The following NDOR1 variants were observed in gnomAD, a reference collection of about 807,000 sequenced individuals.
NDOR1 encodes NADPH-dependent diflavin oxidoreductase 1.
Under a neutral mutation model 67.2 loss-of-function variants are expected in NDOR1, and 61 were observed. That is an observed-to-expected ratio of 0.91 (90% confidence interval 0.74 to 1.12). The LOEUF is 1.12. Among genes scored for constraint, NDOR1 ranks in the 50% most tolerant of loss-of-function variants. The pLI is 0.00. For missense variants in NDOR1, 878 were observed against 802.8 expected (o/e 1.09, Z -1.13); for synonymous variants, 378 against 343.7 (o/e 1.10, Z -1.10).
chr9:137,215,293 C>T, intron 9 of NDOR1, 91 bp downstream of exon 9: 7 of 1,535,550 alleles, frequency 4.6e-6, no homozygotes, highest in Non-Finnish European at 6.3e-6. Context: ...TGCCCTCTGA[C>T]CAGGTGACGT....
rs1444436526 is a variant in NDOR1, at chr9:137,218,229, A to G, written c.*1813A>G. ...GTGCGCTGCCCGCTGTGCCGCCAGA[A>G]GACGCCCGTGCTGGAATGGGAGATC... On this transcript the variant is annotated 3_prime_UTR_variant, in exon 14 of 14. Transcript: ENST00000684003. The G allele has an allele frequency of 7.5e-6, 3 of 398,222 alleles. No individual in the cohort carries two copies. The highest frequency in any genetic ancestry group is 1.3e-5 in the Non-Finnish European group (3 of 225,862). The allele number at this position is 398,222 out of a possible 1,614,324, so 24.7% of individuals were successfully genotyped here.
intron 2 of NDOR1, among the ~76,000 whole-genome samples, chr9:137,209,732 G>A (rs1588795471): frequency 6.6e-6 from 1 of 152,222 alleles, no homozygotes; most frequent in African/African-American, 2.4e-5. Context: ...CCCAGCAGCA[G>A]ACAGGAGAAA....
intron 4 of NDOR1, 22 bp from the exon 5 acceptor site, chr9:137,213,941 AGGCC>A: frequency 1.3e-6 from 2 of 1,576,096 alleles, no homozygotes. Context: ...GGGTCCGCTC[AGGCC>A]AGCGCACGTG....
rs752203472 is a variant in NDOR1, at chr9:137,205,776, C to G, written c.-2C>G. The G allele has an allele frequency of 2.5e-6, 4 of 1,603,390 alleles. No individual in the cohort carries two copies. The highest frequency in any genetic ancestry group is 3.3e-5 in the Admixed American group (2 of 59,994). ...TCAGACCAGACCACCGGGCGCACCC[C>G]GATGCCGAGCCCGCAGCTTCTGGTG... On this transcript the variant is annotated 5_prime_UTR_variant, in exon 1 of 14. Coordinates refer to ENST00000684003, the MANE Select transcript of NDOR1 (RefSeq NM_014434.4).
In NDOR1 at chr9:137,216,596, C is replaced by A; in HGVS notation, c.*180C>A. On this transcript the variant is annotated 3_prime_UTR_variant, in exon 14 of 14. Transcript: ENST00000684003. Reference sequence around the variant, plus strand: ...TTGACCCTGGATCCCACCCTTTGAGCCTGACCCCACTGCAGCCTCTGCCCA... The same window carrying A: ...TTGACCCTGGATCCCACCCTTTGAGACTGACCCCACTGCAGCCTCTGCCCA... 1.3e-6 allele frequency: 1 copy of A among 784,578 alleles called. No homozygotes were observed. Among genetic ancestry groups the A allele is most frequent in the Non-Finnish European group, 2.0e-6 (1 of 506,624 alleles). The allele number at this position is 784,578 out of a possible 1,614,324, so 48.6% of individuals were successfully genotyped here. A position where few individuals can be genotyped will look rare whatever the true frequency, so the allele number is the denominator to read the frequency against.
intron 2 of NDOR1, among the ~76,000 whole-genome samples, chr9:137,210,761 C>T (rs184129160): frequency 4.6e-5 from 7 of 152,236 alleles, no homozygotes; most frequent in South Asian, 4.1e-4. Context: ...GTTGGAGGAT[C>T]GCTTGAGCCC....
rs931957642 is a variant in NDOR1, at chr9:137,212,442, C to G, written c.214-60C>G. ...TTCCCCTGAGACCCTCCCCTCACCC[C>G]CTGCTGTGGGGCTAGCCTAGAGGTC... On this transcript the variant is annotated intron_variant, in intron 2 of 13. Transcript: ENST00000684003. This position sits in a 1 kb window ranked among gnomAD's most constrained non-coding sequence, Gnocchi z 4.3. 2.9e-5 allele frequency: 43 copies of G among 1,473,566 alleles called. No individual in the cohort carries two copies. The highest frequency in any genetic ancestry group is 1.5e-4 in the African/African-American group (11 of 71,936). 91.3% of individuals were successfully genotyped at this position (1,473,566 alleles called of 1,614,324 possible). A position where few individuals can be genotyped will look rare whatever the true frequency, so the allele number is the denominator to read the frequency against.
chr9:137,213,444 G>GGGCCTGGA (rs1176376470), intron 3 of NDOR1, among the ~76,000 whole-genome samples: 1 of 152,150 alleles, frequency 6.6e-6, no homozygotes, highest in Non-Finnish European at 1.5e-5. Flanking sequence ...TCTTGGCTGG[G>GGGCCTGGA]GGCCTGGAGG....
chr9:137,208,376 G>T (rs755579309), intron 2 of NDOR1, among the ~76,000 whole-genome samples: 2 of 151,994 alleles, frequency 1.3e-5, no homozygotes, highest in Non-Finnish European at 2.9e-5. Context: ...GCGTGAACCC[G>T]GGAGGCGGAA....
In NDOR1 at chr9:137,214,433, G is replaced by A. The variant is rs747551558; in HGVS notation, c.722+20G>A. The A allele has an allele frequency of 1.1e-5, 18 of 1,607,232 alleles. No homozygotes were observed. The highest frequency in any genetic ancestry group is 5.1e-5 in the Admixed American group (3 of 58,816). ...CATCAGGTGGGGACTGCTGGGGACC[G>A]AGGAGGGCAAGGTGAGGTGGGCCGT... On this transcript the variant is annotated intron_variant, in intron 6 of 13. Transcript: ENST00000684003.
At position 137,214,781 on chromosome 9, in the gene NDOR1, T is replaced by G. The variant is rs1003440227; in HGVS notation, c.845-17T>G. On this transcript the variant is annotated splice_polypyrimidine_tract_variant and intron_variant, in intron 7 of 13. Coordinates refer to ENST00000684003, the MANE Select transcript of NDOR1 (RefSeq NM_014434.4). ...GGCTCCGCCGCAGCCCACGGAGGCC[T>G]CCCACTCACCCTGCAGATGTCTCCT... The G allele has an allele frequency of 6.3e-7, 1 of 1,598,436 alleles. No individual in the cohort carries two copies. Among genetic ancestry groups the G allele is most frequent in the South Asian group, 1.1e-5 (1 of 90,986 alleles).
At chr9:137,210,167 C>A (rs538812016) in intron 2 of NDOR1, among the ~76,000 whole-genome samples, 48 of 152,204 alleles carry the variant, frequency 3.2e-4, no homozygotes, top group Non-Finnish European at 5.4e-4. Context: ...GGATGTTACC[C>A]CCACGGGGCA....
rs1835644367 is a variant in NDOR1, at chr9:137,217,037, C to T, written c.*621C>T. The T allele has an allele frequency of 5.5e-6, 1 of 181,448 alleles. No individual in the cohort carries two copies. Among genetic ancestry groups the T allele is most frequent in the Non-Finnish European group, 1.2e-5 (1 of 86,668 alleles). 11.2% of individuals were successfully genotyped at this position (181,448 alleles called of 1,614,324 possible). ...TCTAGCGCAGGCTTCCTTCCTTCCT[C>T]TAGCTCCTCCCGGTGCCCTGGGTGC... On this transcript the variant is annotated 3_prime_UTR_variant, in exon 14 of 14. Transcript: ENST00000684003.
chr9:137,215,215 G>A lies in NDOR1; in HGVS notation c.1173+13G>A, dbSNP rs746930661. ...CTCCTCGCTGCTGGTGAGGGGCCTG[G>A]TGGTTGGAGCCCAGGACCGGCCCTG... On this transcript the variant is annotated intron_variant, in intron 9 of 13. Coordinates refer to ENST00000684003, the MANE Select transcript of NDOR1 (RefSeq NM_014434.4). 3.1e-6 allele frequency: 5 copies of A among 1,607,520 alleles called. No homozygotes were observed. In the African/African-American group the frequency reaches 5.3e-5, roughly 17 times the overall value.
At chr9:137,211,535 C>T (rs1044476648) in intron 2 of NDOR1, among the ~76,000 whole-genome samples, 3 of 151,956 alleles carry the variant, frequency 2.0e-5, no homozygotes, top group African/African-American at 4.8e-5. Flanking sequence ...ACCCTTTTCT[C>T]GGGAAGGAGG....
At position 137,214,669 on chromosome 9, in the gene NDOR1, C is replaced by A; in HGVS notation, c.822C>A (p.Phe274Leu). ...TGGGCCTGGACCCTGACCAGCTCTT[C>A]ATGCTGCAGCCGCGGGAGCCAGGTG... Reference protein sequence around the residue: ...QVLGLDPDQLFMLQPREPDVS... With the variant: ...QVLGLDPDQLLMLQPREPDVS... The change falls in exon 7 of 14, where the codon TTC becomes TTA. Residue 274 changes from phenylalanine (F) to leucine (L), a missense_variant. Phe to Leu is a conservative substitution (Grantham distance 22). Transcript: ENST00000684003. The A allele has an allele frequency of 6.2e-7, 1 of 1,605,530 alleles. No individual in the cohort carries two copies. The highest frequency in any genetic ancestry group is 8.5e-7 in the Non-Finnish European group (1 of 1,179,886).
Position 137,215,523 on chromosome 9 carries a change from T to C in NDOR1, c.1288+2T>C. ...TGGCATCCCTGGACCCTGGGCAAGG[T>C]GACCCCTGCTCCCAGGGTGGGGGCC... On this transcript the variant is annotated splice_donor_variant, in intron 10 of 13. Transcript: ENST00000684003. LOFTEE classifies it high-confidence loss of function. 1.2e-6 allele frequency: 2 copies of C among 1,613,016 alleles called. No homozygotes were observed. The highest frequency in any genetic ancestry group is 1.3e-5 in the African/African-American group (1 of 75,054).
chr9:137,214,433 G>C lies in NDOR1; in HGVS notation c.722+20G>C. 1 of 1,607,226 alleles carries C rather than the reference G, an allele frequency of 6.2e-7. No homozygotes were observed. The highest frequency in any genetic ancestry group is 2.2e-5 in the East Asian group (1 of 44,626). ...CATCAGGTGGGGACTGCTGGGGACCGAGGAGGGCAAGGTGAGGTGGGCCGT... is the reference window on the plus strand; with the variant it reads ...CATCAGGTGGGGACTGCTGGGGACCCAGGAGGGCAAGGTGAGGTGGGCCGT... On this transcript the variant is annotated intron_variant, in intron 6 of 13. Transcript: ENST00000684003.
chr9:137,207,236 G>GT (rs1835012105), intron 2 of NDOR1, among the ~76,000 whole-genome samples: 1 of 151,996 alleles, frequency 6.6e-6, no homozygotes, highest in African/African-American at 2.4e-5. Context: ...CTGAGCTGAA[G>GT]TGGTGGCAGA....
Sources: allele counts gnomAD v4.1 joint callset (sites outside exome capture counted in the v4.1 genomes callset), GRCh38; gene constraint gnomAD v4.1.1; non-coding constraint Gnocchi (gnomAD v3.1); transcripts MANE v1.5; gene names NCBI Gene and HGNC (gene_info 2026-07-23, HGNC 2026-07-21).